Variants in FOXP1 observed in about 807,000 individuals in gnomAD.
FOXP1 encodes the protein forkhead box P1.
A neutral mutation model predicts 98.2 loss-of-function variants in FOXP1; 15 were observed. The observed-to-expected ratio is 0.15, with a 90% CI of 0.10 to 0.24. The LOEUF (loss-of-function observed/expected upper bound fraction) is 0.24. Ranked by LOEUF, FOXP1 falls within the 10% of genes least tolerant of loss-of-function variation. The pLI is 1.00. For synonymous variants in FOXP1, 371 were observed against 314.5 expected (o/e 1.18, Z -1.90); for missense variants, 633 against 848.5 (o/e 0.75, Z 3.15).
In FOXP1 at chr3:71,141,141, G is replaced by A. The variant is rs144601504; in HGVS notation, c.181-28504C>T. On this transcript the variant is annotated intron_variant, in intron 6 of 20. Coordinates refer to ENST00000649528, the MANE Select transcript of FOXP1 (RefSeq NM_001349338.3). ...AAATTAGCCAGGCGTGGTGGCAGGC[G>A]CCTGTAGTTCCAGCTACTAGGGAGG... Among the ~76,000 whole-genome samples, 1,147 of 151,774 alleles carry A rather than the reference G, an allele frequency of 7.6e-3. 19 individuals carry two copies. The highest frequency in any genetic ancestry group is 0.027 in the African/African-American group (1,113 of 41,366).
chr3:71,271,006 A>G (rs2070295434), intron 5 of FOXP1, among the ~76,000 whole-genome samples: 1 of 152,252 alleles, frequency 6.6e-6, no homozygotes, highest in Admixed American at 6.5e-5. Flanking sequence ...CAAGGTGGGC[A>G]GATCACCTCA....
chr3:71,155,515 A>T (rs2060777822), intron 6 of FOXP1, among the ~76,000 whole-genome samples: 1 of 152,184 alleles, frequency 6.6e-6, no homozygotes, highest in Non-Finnish European at 1.5e-5. Flanking sequence ...CCCATATTTC[A>T]AGTGCTCAAG....
intron 3 of FOXP1, among the ~76,000 whole-genome samples, chr3:71,440,808 T>C (rs1163885284): frequency 6.6e-6 from 1 of 151,942 alleles, no homozygotes; most frequent in African/African-American, 2.4e-5. Flanking sequence ...GAGGCTGCAA[T>C]GAGCTATAAT....
Position 70,959,205 on chromosome 3 carries a change from C to A in FOXP1, c.*42G>T. 6.4e-7 allele frequency: 1 copy of A among 1,562,342 alleles called. No individual in the cohort carries two copies. Among genetic ancestry groups the A allele is most frequent in the Non-Finnish European group, 8.7e-7 (1 of 1,153,994 alleles). ...CTTTTGACGTGTTTTTTTTTTTTTC[C>A]TTTTTCCAATCTTCATTCTCGGGGT... On this transcript the variant is annotated 3_prime_UTR_variant, in exon 21 of 21. Transcript: ENST00000649528.
At position 71,229,150 on chromosome 3, in the gene FOXP1, T is replaced by C. The variant is rs148112337; in HGVS notation, c.-11-30758A>G. On this transcript the variant is annotated intron_variant, in intron 5 of 20. Coordinates refer to ENST00000649528, the MANE Select transcript of FOXP1 (RefSeq NM_001349338.3). Reference sequence around the variant, plus strand: ...GAAAAATAAGCAAAGACGACACCAGTTTTTCCCCCAGTTTTAGCCGAGATA... The same window carrying C: ...GAAAAATAAGCAAAGACGACACCAGCTTTTCCCCCAGTTTTAGCCGAGATA... Among the ~76,000 whole-genome samples, 299 of 152,164 alleles carry C rather than the reference T, an allele frequency of 2.0e-3. 1 individual carries two copies. Among genetic ancestry groups the C allele is most frequent in the African/African-American group, 6.7e-3 (278 of 41,502 alleles).
chr3:71,079,517 T>C (rs1043953858), intron 7 of FOXP1, among the ~76,000 whole-genome samples: 1 of 152,220 alleles, frequency 6.6e-6, no homozygotes, highest in Admixed American at 6.5e-5. Context: ...ATTTCTATTA[T>C]CTCTAAATTT....
At chr3:71,226,760 T>G (rs768590246) in intron 5 of FOXP1, among the ~76,000 whole-genome samples, 35 of 152,080 alleles carry the variant, frequency 2.3e-4, no homozygotes, top group Non-Finnish European at 4.9e-4. Flanking sequence ...TCTCACATCC[T>G]GTCTCGCTGA....
At chr3:71,539,416 C>T (rs868817737) in intron 2 of FOXP1, among the ~76,000 whole-genome samples, 3 of 150,984 alleles carry the variant, frequency 2.0e-5, no homozygotes, top group African/African-American at 7.3e-5. Context: ...CCGCCGCGCT[C>T]GGTCATCTCT....
At chr3:71,179,600 C>T (rs2062164387) in intron 6 of FOXP1, among the ~76,000 whole-genome samples, 1 of 152,102 alleles carries the variant, frequency 6.6e-6, no homozygotes, top group African/African-American at 2.4e-5. Flanking sequence ...TGTGAAACAC[C>T]ATGTAAGAGA....
At chr3:71,232,085 G>C (rs968494617) in intron 5 of FOXP1, among the ~76,000 whole-genome samples, 2 of 152,232 alleles carry the variant, frequency 1.3e-5, no homozygotes, top group Non-Finnish European at 2.9e-5. Context: ...TCTGAAGAAA[G>C]AGCATGTGTT....
intron 4 of FOXP1, among the ~76,000 whole-genome samples, chr3:71,314,530 A>G (rs6762999): frequency 7.0e-6 from 1 of 143,370 alleles, no homozygotes; most frequent in Admixed American, 6.9e-5. Context: ...CCGTCTAAAA[A>G]ATATATATAT....
intron 7 of FOXP1, among the ~76,000 whole-genome samples, chr3:71,056,570 A>G (rs1269001508): frequency 6.6e-6 from 1 of 152,174 alleles, no homozygotes; most frequent in African/African-American, 2.4e-5. Context: ...AAACGGGCTG[A>G]TCACTTCTGA....
chr3:71,582,695 C>G, intron 1 of FOXP1: 1 of 985,394 alleles, frequency 1.0e-6, no homozygotes, highest in Non-Finnish European at 1.2e-6. Flanking sequence ...GCTCCCGCAC[C>G]CACCCGTGGA....
intron 3 of FOXP1, among the ~76,000 whole-genome samples, chr3:71,364,506 C>T (rs2078781909): frequency 6.6e-6 from 1 of 152,274 alleles, no homozygotes; most frequent in East Asian, 1.9e-4. Flanking sequence ...TGACAGTTTC[C>T]TAGTTGAATG....
chr3:71,472,720 A>G (rs1422290451), intron 3 of FOXP1, among the ~76,000 whole-genome samples: 2 of 152,214 alleles, frequency 1.3e-5, no homozygotes, highest in Non-Finnish European at 2.9e-5. Context: ...TCTAGTCCAT[A>G]AGAGAAGTAG....
At chr3:71,390,044 G>A (rs1360156313) in intron 3 of FOXP1, among the ~76,000 whole-genome samples, 6 of 152,184 alleles carry the variant, frequency 3.9e-5, no homozygotes, top group Non-Finnish European at 7.3e-5. Flanking sequence ...TCACACCCAA[G>A]AACAAACTGT....
At chr3:71,133,828 G>GTA (rs1249854164) in intron 6 of FOXP1, among the ~76,000 whole-genome samples, 2 of 151,538 alleles carry the variant, frequency 1.3e-5, no homozygotes, top group African/African-American at 4.8e-5. Context: ...GAATATGTGT[G>GTA]TGTGTGATGT....
chr3:71,088,843 A>G (rs774745046), intron 7 of FOXP1, among the ~76,000 whole-genome samples: 32 of 152,186 alleles, frequency 2.1e-4, no homozygotes, highest in Admixed American at 4.6e-4. Flanking sequence ...AATCGAACTC[A>G]CCAAATACCT....
intron 5 of FOXP1, among the ~76,000 whole-genome samples, chr3:71,278,823 A>AT (rs1479225003): frequency 6.6e-6 from 1 of 152,004 alleles, no homozygotes; most frequent in Non-Finnish European, 1.5e-5. Flanking sequence ...TAAAATACCA[A>AT]TTAAATAATA....
Sources: gnomAD v4.1 joint callset for allele counts (sites outside exome capture counted in the v4.1 genomes callset) on GRCh38, gnomAD v4.1.1 for gene constraint, MANE v1.5 for transcripts, NCBI Gene and HGNC (gene_info 2026-07-23, HGNC 2026-07-21) for gene names.